The following CASK variants were observed in gnomAD, a reference collection of about 807,000 sequenced individuals.
CASK encodes the protein peripheral plasma membrane protein CASK.
Under a neutral mutation model 82.9 loss-of-function variants are expected in CASK, and 4 were observed. The ratio of observed to expected loss-of-function variants is 0.05; its 90% CI spans 0.02 to 0.11. CASK has a LOEUF of 0.11. Among genes scored for constraint, CASK ranks in the 10% least tolerant of loss-of-function variants. The pLI is 1.00. For missense variants in CASK, 358 were observed against 720.9 expected, an observed-to-expected ratio of 0.50 and a Z score of 5.76; for synonymous variants, 259 against 253.5, an observed-to-expected ratio of 1.02 and a Z score of -0.20.
intron 1 of CASK, among the ~76,000 whole-genome samples, chrX:41,869,446 T>G (rs2071653654): frequency 9.0e-6 from 1 of 111,261 alleles, no homozygotes. Context: ...GGTAGGCAGA[T>G]GCTCTCAAGA....
intron 1 of CASK, among the ~76,000 whole-genome samples, chrX:41,883,222 T>C (rs1230981939): frequency 2.7e-5 from 3 of 111,770 alleles, no homozygotes. Flanking sequence ...AGAGACCAAA[T>C]AGAACTTGAG....
chrX:41,893,099 T>C (rs2072203799), intron 1 of CASK, among the ~76,000 whole-genome samples: 1 of 112,311 alleles, frequency 8.9e-6, no homozygotes, highest in African/African-American at 3.2e-5. Context: ...TAAACAGCTA[T>C]AAAAACACAT....
chrX:41,792,315 G>T (rs2069742483), intron 2 of CASK, among the ~76,000 whole-genome samples: 1 of 102,434 alleles, frequency 9.8e-6, no homozygotes, highest in African/African-American at 3.6e-5. Flanking sequence ...TTTTGAGCTA[G>T]GGTCTCATTC....
At chrX:41,767,203 T>C (rs989054464) in intron 3 of CASK, among the ~76,000 whole-genome samples, 3 of 112,120 alleles carry the variant, frequency 2.7e-5, no homozygotes, top group African/African-American at 6.5e-5. Context: ...GGTCCACTTA[T>C]ATGCAGAATG....
At chrX:41,734,394 G>A (rs2068462765) in intron 5 of CASK, among the ~76,000 whole-genome samples, 1 of 111,107 alleles carries the variant, frequency 9.0e-6, no homozygotes, top group African/African-American at 3.3e-5. Context: ...ATGAAAGAAG[G>A]CAAAGAGCCA....
chrX:41,819,576 G>A (rs182137382), intron 2 of CASK, among the ~76,000 whole-genome samples: 43 of 111,167 alleles, frequency 3.9e-4, no homozygotes, highest in African/African-American at 1.3e-3. Flanking sequence ...AGAAAATAAT[G>A]AGCTAATTAT....
rs186824134 is a variant in CASK, at chrX:41,838,230, A to T, written c.172+14885T>A. 1.4e-3 allele frequency among the ~76,000 whole-genome samples: 156 copies of T among 112,386 alleles called. No homozygotes were observed. The Admixed American group carries it at 0.015, about 11-fold the overall frequency. On this transcript the variant is annotated intron_variant, in intron 2 of 26. Coordinates refer to ENST00000378163, the MANE Select transcript of CASK (RefSeq NM_001367721.1). The stretch of plus-strand genomic sequence containing the variant: ...GCTTTAATTTGCATTTCCCTAATGG[A>T]TAATGATGTTGAACATATTTTCATG...
Position 41,593,028 on chromosome X carries a change from C to T in CASK, c.1156-3436G>A, listed in dbSNP as rs1195214027. 4.5e-5 allele frequency among the ~76,000 whole-genome samples: 5 copies of T among 111,682 alleles called. No homozygotes were observed. In the Admixed American group the frequency reaches 4.8e-4, roughly 11 times the overall value. ...GGTCTGGTCTGATCCAGTTCAATCA[C>T]TTAAATTAAATTCAACTCACCTAAA... On this transcript the variant is annotated intron_variant, in intron 12 of 26. Coordinates refer to ENST00000378163, the MANE Select transcript of CASK (RefSeq NM_001367721.1).
At chrX:41,792,292 T>G (rs1366052264) in intron 2 of CASK, among the ~76,000 whole-genome samples, 1 of 103,409 alleles carries the variant, frequency 9.7e-6, no homozygotes, top group Non-Finnish European at 2.0e-5. Flanking sequence ...AATAAGGATT[T>G]TTTTTTTTTT....
chrX:41,921,686 C>T (rs752679862), intron 1 of CASK, among the ~76,000 whole-genome samples: 2 of 110,311 alleles, frequency 1.8e-5, no homozygotes, highest in South Asian at 3.9e-4. Flanking sequence ...CAAGCTCTAC[C>T]CACAATTTCA....
At chrX:41,727,193 A>T in intron 5 of CASK, 1 of 1,205,488 alleles carries the variant, frequency 8.3e-7, no homozygotes, top group Non-Finnish European at 1.1e-6. Flanking sequence ...TACCTGTCAC[A>T]CCTTGTGACT....
At chrX:41,648,323 G>T (rs2066799228) in intron 8 of CASK, among the ~76,000 whole-genome samples, 1 of 111,393 alleles carries the variant, frequency 9.0e-6, no homozygotes, top group South Asian at 3.8e-4. Context: ...CCTGTCTCCT[G>T]ATAAGATGTT....
Position 41,874,186 on chromosome X carries a change from A to T in CASK, c.60-20959T>A, listed in dbSNP as rs61412617. 4.4e-3 allele frequency among the ~76,000 whole-genome samples: 484 copies of T among 110,438 alleles called. 1 individual carries two copies. The highest frequency in any genetic ancestry group is 0.015 in the African/African-American group (451 of 30,379). ...CATATAACAGACTAGATTTTTTTTTAAAAATTTTAAGTTCTGGGGTACATG... is the reference window on the plus strand; with the variant it reads ...CATATAACAGACTAGATTTTTTTTTTAAAATTTTAAGTTCTGGGGTACATG... On this transcript the variant is annotated intron_variant, in intron 1 of 26. Transcript: ENST00000378163.
At chrX:41,616,992 T>C (rs2066211745) in intron 11 of CASK, among the ~76,000 whole-genome samples, 1 of 112,396 alleles carries the variant, frequency 8.9e-6, no homozygotes, top group South Asian at 3.7e-4. Context: ...TCACCGGCCC[T>C]GAGGAAGGGG....
At chrX:41,779,251 C>T (rs1274556772) in intron 3 of CASK, among the ~76,000 whole-genome samples, 1 of 111,852 alleles carries the variant, frequency 8.9e-6, no homozygotes, top group African/African-American at 3.3e-5. Context: ...TGTGACCAGC[C>T]CCCAATAAAA....
In CASK at chrX:41,758,997, C is replaced by T. The variant is rs371601780; in HGVS notation, c.279-13396G>A. 8.0e-4 allele frequency among the ~76,000 whole-genome samples: 90 copies of T among 111,812 alleles called. 4 individuals are homozygous for T. Among genetic ancestry groups the T allele is most frequent in the Admixed American group, 3.6e-3 (38 of 10,565 alleles). ...TTCGTTGGGGTGAACTCTTTATGTT[C>T]GATAGAATGTAAACCTTTTATGTCA... On this transcript the variant is annotated intron_variant, in intron 3 of 26. Coordinates refer to ENST00000378163, the MANE Select transcript of CASK (RefSeq NM_001367721.1).
chrX:41,584,546 C>T (rs1404264997), intron 14 of CASK: 1 of 111,782 alleles, frequency 8.9e-6, no homozygotes, highest in Non-Finnish European at 1.9e-5. Flanking sequence ...GATTATCAGG[C>T]ATTAGATTCT....
chrX:41,618,825 C>CTTT (rs1207067880), intron 11 of CASK, among the ~76,000 whole-genome samples: 2 of 89,888 alleles, frequency 2.2e-5, no homozygotes, highest in Non-Finnish European at 2.2e-5. Flanking sequence ...TGTCCAATTT[C>CTTT]TTTTTTTTTT....
chrX:41,537,883 C>A (rs915498387), intron 22 of CASK, among the ~76,000 whole-genome samples: 1 of 107,116 alleles, frequency 9.3e-6, no homozygotes, highest in Admixed American at 1.0e-4. Context: ...GCTCCTTCAC[C>A]CAGGCTGGAG....
Sources: gnomAD v4.1 joint callset for allele counts (sites outside exome capture counted in the v4.1 genomes callset) on GRCh38, gnomAD v4.1.1 for gene constraint, MANE v1.5 for transcripts, NCBI Gene and HGNC (gene_info 2026-07-23, HGNC 2026-07-21) for gene names.